Variants in MERTK observed in about 807,000 individuals in gnomAD.
MERTK encodes the protein MER proto-oncogene, tyrosine kinase.
A neutral mutation model predicts 99.3 loss-of-function variants in MERTK; 69 were observed. That is an observed-to-expected ratio of 0.70 (90% CI 0.57 to 0.85). The LOEUF is 0.85. MERTK is among the 40% of genes least tolerant of loss of function. The pLI is 0.00. For synonymous variants in MERTK, 426 were observed against 467.6 expected, an observed-to-expected ratio of 0.91 and a Z score of 1.15; for missense variants, 1,125 against 1,249.4, an observed-to-expected ratio of 0.90 and a Z score of 1.50.
chr2:111,935,914 A>C (rs1684757445), intron 2 of MERTK, among the ~76,000 whole-genome samples: 1 of 151,894 alleles, frequency 6.6e-6, no homozygotes. Flanking sequence ...AAAAGTCTTC[A>C]AAAAAATTTT....
At chr2:111,917,281 G>A (rs1516640) in intron 1 of MERTK, among the ~76,000 whole-genome samples, 70,506 of 151,928 alleles carry the variant, frequency 0.46, 16,520 homozygotes, top group East Asian at 0.74. Context: ...CCTTTCTGAC[G>A]CCACCCTGGA....
At chr2:111,981,032 A>G (rs1676362576) in intron 7 of MERTK, among the ~76,000 whole-genome samples, 1 of 152,200 alleles carries the variant, frequency 6.6e-6, no homozygotes, top group Non-Finnish European at 1.5e-5. Context: ...AAATTCTACA[A>G]CAGGTTTGAA....
chr2:111,902,788 T>C lies in MERTK; in HGVS notation c.61+3992T>C, dbSNP rs200645721. On this transcript the variant is annotated intron_variant, in intron 1 of 18. Transcript: ENST00000295408. ...TCAGTTCCTTCCTTCCTTCCTTCCT[T>C]CCTCCCTCCCTCCCTCCCTCTATTT... is the stretch of plus-strand genomic sequence containing the variant. Among the ~76,000 whole-genome samples, 367 of 51,062 alleles carry C rather than the reference T, an allele frequency of 7.2e-3. 1 individual carries two copies. The highest frequency in any genetic ancestry group is 0.017 in the African/African-American group (273 of 16,108). 33.5% of individuals were successfully genotyped at this position (51,062 alleles called of 152,430 possible).
chr2:112,014,931 A>G (rs1464431864), intron 15 of MERTK, among the ~76,000 whole-genome samples: 1 of 152,098 alleles, frequency 6.6e-6, no homozygotes, highest in Non-Finnish European at 1.5e-5. Context: ...GAGCCACTGC[A>G]CCCGGCCATT....
At chr2:111,974,810 AAG>A (rs1241282603) in intron 6 of MERTK, among the ~76,000 whole-genome samples, 6 of 140,792 alleles carry the variant, frequency 4.3e-5, no homozygotes, top group Non-Finnish European at 9.8e-5. Flanking sequence ...AAGAAAAGAA[AAG>A]AAAAAGAAAG....
chr2:112,005,466 A>G (rs1676961832), intron 13 of MERTK, among the ~76,000 whole-genome samples: 1 of 152,202 alleles, frequency 6.6e-6, no homozygotes, highest in South Asian at 2.1e-4. Flanking sequence ...CTTCTTCATT[A>G]CCATAAGATG....
intron 3 of MERTK, among the ~76,000 whole-genome samples, chr2:111,946,642 C>T (rs533321232): frequency 2.6e-5 from 4 of 152,242 alleles, no homozygotes; most frequent in African/African-American, 7.2e-5. Context: ...TCCTTATGAC[C>T]CATCTGAAAG....
At chr2:112,026,672 C>G (rs757526548) in intron 18 of MERTK, among the ~76,000 whole-genome samples, 1 of 152,214 alleles carries the variant, frequency 6.6e-6, no homozygotes, top group Non-Finnish European at 1.5e-5. Flanking sequence ...CATTCAGGAT[C>G]AAGCTCTTTA....
At chr2:112,016,757 G>T (rs1677224954) in intron 15 of MERTK, among the ~76,000 whole-genome samples, 1 of 152,202 alleles carries the variant, frequency 6.6e-6, no homozygotes, top group Admixed American at 6.5e-5. Flanking sequence ...TAGAGCTTCA[G>T]GGAAGAAATG....
chr2:111,997,556 G>C, intron 10 of MERTK, 80 bp downstream of exon 10: 1 of 1,526,258 alleles, frequency 6.6e-7, no homozygotes, highest in Non-Finnish European at 9.0e-7. Context: ...TTCCTGTTGG[G>C]CCAGCTGCTT....
intron 1 of MERTK, among the ~76,000 whole-genome samples, chr2:111,905,354 T>G (rs1558765928): frequency 6.6e-6 from 1 of 151,452 alleles, no homozygotes; most frequent in Non-Finnish European, 1.5e-5. Flanking sequence ...GGTCACCTCC[T>G]CAGGTCCTGG....
chr2:111,945,892 TAGC>T lies in MERTK; in HGVS notation c.583+835_583+837del, dbSNP rs1191151305. 2.0e-5 allele frequency among the ~76,000 whole-genome samples: 3 copies of T among 152,380 alleles called. No individual in the cohort carries two copies. In the East Asian group the frequency reaches 5.8e-4, roughly 29 times the overall value. On this transcript the variant is annotated intron_variant, in intron 3 of 18. Coordinates refer to ENST00000295408, the MANE Select transcript of MERTK (RefSeq NM_006343.3). Reference sequence around the variant, plus strand: ...CCCCTCCTCTCTGAGGTGCCCCTCTTAGCAGAGCCATTAGGTCACCTCCCTTTT... The same window carrying T: ...CCCCTCCTCTCTGAGGTGCCCCTCTTAGAGCCATTAGGTCACCTCCCTTTT...
Position 112,028,565 on chromosome 2 carries a change from T to G in MERTK, c.2701T>G (p.Ser901Ala), listed in dbSNP as rs1558813633. 1 of 1,614,150 alleles carries G rather than the reference T, an allele frequency of 6.2e-7. No individual in the cohort carries two copies. Among genetic ancestry groups the G allele is most frequent in the Non-Finnish European group, 8.5e-7 (1 of 1,180,020 alleles). The change falls in exon 19 of 19, where the codon TCT becomes GCT. Residue 901 changes from serine (S) to alanine (A), a missense_variant. Physicochemically the swap from Ser to Ala is moderately conservative, Grantham distance 99. Coordinates refer to ENST00000295408, the MANE Select transcript of MERTK (RefSeq NM_006343.3). ...APLDLNIDPD[S>A]IIASCTPRAA... ...ACTGGACTTGAACATCGACCCTGAC[T>G]CTATAATTGCCTCCTGCACTCCCCG...
intron 2 of MERTK, among the ~76,000 whole-genome samples, chr2:111,944,303 C>CAAAAA (rs776451722): frequency 4.4e-5 from 3 of 68,080 alleles, no homozygotes; most frequent in African/African-American, 1.1e-4. Context: ...GAATCTGTCT[C>CAAAAA]AAAAAAAAAA....
At chr2:112,021,704 C>A in intron 17 of MERTK, 123 bp downstream of exon 17, 2 of 827,988 alleles carry the variant, frequency 2.4e-6, no homozygotes, top group Admixed American at 4.3e-5. Context: ...TGGCAGCTTG[C>A]TCAGATCTCT....
At chr2:111,934,491 TCA>T (rs1197331454) in intron 2 of MERTK, among the ~76,000 whole-genome samples, 3 of 152,212 alleles carry the variant, frequency 2.0e-5, no homozygotes, top group African/African-American at 7.2e-5. Context: ...GAGCTTTTTT[TCA>T]TGTTTGTTGG....
At chr2:112,022,940 A>G (rs1024430704) in intron 18 of MERTK, among the ~76,000 whole-genome samples, 12 of 152,104 alleles carry the variant, frequency 7.9e-5, no homozygotes, top group African/African-American at 2.7e-4. Context: ...CCCGGAAATT[A>G]TGATGCTTTC....
rs138557708 is a variant in MERTK, at chr2:111,929,260, A to C, written c.202A>C (p.Thr68Pro). 6.2e-7 allele frequency: 1 copy of C among 1,614,108 alleles called. No individual in the cohort carries two copies. The highest frequency in any genetic ancestry group is 8.5e-7 in the Non-Finnish European group (1 of 1,180,026). The change falls in exon 2 of 19, where the codon ACC becomes CCC. Residue 68 changes from threonine to proline, a missense_variant. Coordinates refer to ENST00000295408, the MANE Select transcript of MERTK (RefSeq NM_006343.3). ...CCAGCCTGCCTTGATGTTTTCACCA[A>C]CCCAGCCTGGAAGACCACATACAGG... ...GYQPALMFSP[T>P]QPGRPHTGNV...
chr2:112,001,204 T>G lies in MERTK; in HGVS notation c.1608T>G (p.Asn536Lys). Residue 536 changes from asparagine (N) to lysine (K), a missense_variant, in exon 11 of 19, where the codon AAT (asparagine) becomes AAG (lysine). Physicochemically the swap from Asn to Lys is moderately conservative, Grantham distance 94 (BLOSUM62 0). Coordinates refer to ENST00000295408, the MANE Select transcript of MERTK (RefSeq NM_006343.3). ...ATCTTTGTTTTCATTCACCCAGGAA[T>G]GCATTCACAGAGGAGGATTCTGAAT... ...RKRVQETKFG[N>K]AFTEEDSELV... The G allele has an allele frequency of 6.2e-7, 1 of 1,610,736 alleles. No individual in the cohort carries two copies. The highest frequency in any genetic ancestry group is 8.5e-7 in the Non-Finnish European group (1 of 1,176,908).
Sources: allele counts gnomAD v4.1 joint callset (sites outside exome capture counted in the v4.1 genomes callset), GRCh38; gene constraint gnomAD v4.1.1; transcripts MANE v1.5; gene names NCBI Gene and HGNC (gene_info 2026-07-23, HGNC 2026-07-21).